CCDC30: variants seen among roughly 807,000 people sequenced by gnomAD.
CCDC30 encodes the protein coiled-coil domain containing 30, also known as coiled-coil domain-containing protein 30.
A neutral mutation model predicts 100.2 loss-of-function variants in CCDC30; 70 were observed. The ratio of observed to expected loss-of-function variants is 0.70; its 90% CI spans 0.58 to 0.85. The LOEUF (loss-of-function observed/expected upper bound fraction) is 0.85, where lower values mean the gene tolerates loss of function less well. Among genes scored for constraint, CCDC30 ranks in the 40% least tolerant of loss-of-function variants. The probability of loss-of-function intolerance (pLI) is 0.00; values close to 1 mark genes in which losing one functional copy is unlikely to be tolerated. For synonymous variants in CCDC30, 233 were observed against 269.5 expected (o/e 0.86, Z 1.33); for missense variants, 652 against 771.2 (o/e 0.85, Z 1.83).
chr1:42,458,595 A>G (rs1281945904), upstream of CCDC30, among the ~76,000 whole-genome samples: 1 of 152,236 alleles, frequency 6.6e-6, no homozygotes, highest in East Asian at 1.9e-4. Context: ...GATAAATGCT[A>G]AGGAGAAAAA....
chr1:42,501,129 A>T (rs1166333094), intron 6 of CCDC30, among the ~76,000 whole-genome samples: 2 of 152,182 alleles, frequency 1.3e-5, no homozygotes, highest in Non-Finnish European at 1.5e-5. Flanking sequence ...TATGTTTCTT[A>T]TACTTTCTTC....
chr1:42,493,987 G>A (rs1173492674), intron 4 of CCDC30, among the ~76,000 whole-genome samples: 2 of 152,256 alleles, frequency 1.3e-5, no homozygotes, highest in African/African-American at 2.4e-5. Flanking sequence ...GCCAAGGGGG[G>A]TGAATCACTT....
chr1:42,497,067 G>T (rs780023808), intron 4 of CCDC30, 31 bp from the exon 5 acceptor site: 10 of 1,159,256 alleles, frequency 8.6e-6, no homozygotes, highest in Non-Finnish European at 1.1e-5. Flanking sequence ...CTTTGATCCA[G>T]TTGAGTAAAC....
intron 6 of CCDC30, chr1:42,535,007 A>C (rs1287863979): frequency 2.6e-5 from 4 of 152,170 alleles, no homozygotes. Context: ...AAAAGGGATA[A>C]TTTTCAGTTA....
the CCDC30 span, among the ~76,000 whole-genome samples, chr1:42,458,028 G>T: frequency 1.0e-3 from 159 of 152,082 alleles, no homozygotes; most frequent in Non-Finnish European, 1.2e-3. Flanking sequence ...GGTCATTCCA[G>T]GTGGAGTATG....
At chr1:42,646,890 G>T (rs533436047) in intron 15 of CCDC30, among the ~76,000 whole-genome samples, 1 of 152,158 alleles carries the variant, frequency 6.6e-6, no homozygotes, top group African/African-American at 2.4e-5. Flanking sequence ...CTGAGGTCAG[G>T]AGTTCGAGAC....
downstream of CCDC30, among the ~76,000 whole-genome samples, chr1:42,655,307 C>A (rs948488277): frequency 6.6e-6 from 1 of 151,886 alleles, no homozygotes; most frequent in Non-Finnish European, 1.5e-5. Flanking sequence ...TTTGGGAGGC[C>A]GAGGTGGGCA....
At chr1:42,648,456 G>A (rs562976894) in intron 15 of CCDC30, among the ~76,000 whole-genome samples, 1 of 152,188 alleles carries the variant, frequency 6.6e-6, no homozygotes, top group East Asian at 1.9e-4. Flanking sequence ...GGATCACAAG[G>A]TCAGGAGATT....
intron 1 of CCDC30, among the ~76,000 whole-genome samples, chr1:42,476,894 T>G (rs199904704): frequency 1.8e-5 from 2 of 114,262 alleles, no homozygotes; most frequent in Non-Finnish European, 4.2e-5. Flanking sequence ...TTTTTTTTTT[T>G]GTTTTTTTTT....
Position 42,621,757 on chromosome 1 carries a change from C to T in CCDC30, c.1277+10667C>T, listed in dbSNP as rs929270500. 2.6e-5 allele frequency among the ~76,000 whole-genome samples: 4 copies of T among 151,938 alleles called. No homozygotes were observed. The South Asian group carries it at 6.2e-4, about 24-fold the overall frequency. ...CGATCTCCTGACCTTGTGATCCGCC[C>T]GCCTCGGCCTCCCAAAGTGCCGGGA... On this transcript the variant is annotated intron_variant, in intron 11 of 16. Transcript: ENST00000668663.
chr1:42,553,024 G>A (rs1645286572), intron 6 of CCDC30, among the ~76,000 whole-genome samples: 2 of 152,158 alleles, frequency 1.3e-5, no homozygotes, highest in Non-Finnish European at 2.9e-5. Context: ...GCCTGGTGAG[G>A]GTGGAAATCT....
the CCDC30 span, chr1:42,456,445 T>C: frequency 3.8e-6 from 4 of 1,050,138 alleles, no homozygotes; most frequent in Admixed American, 3.3e-5. Flanking sequence ...CGGGACCTAG[T>C]GTCAAAAGAA....
intron 6 of CCDC30, among the ~76,000 whole-genome samples, chr1:42,543,831 G>T (rs1018852807): frequency 1.3e-5 from 2 of 152,140 alleles, no homozygotes; most frequent in Admixed American, 6.5e-5. Context: ...ACACACTGTA[G>T]TTTCTCTTCA....
intron 12 of CCDC30, among the ~76,000 whole-genome samples, chr1:42,640,927 C>T (rs1045678730): frequency 2.6e-5 from 4 of 151,634 alleles, no homozygotes; most frequent in Non-Finnish European, 5.9e-5. Flanking sequence ...GATGGCCAGT[C>T]TTTTCTGAAT....
intron 7 of CCDC30, among the ~76,000 whole-genome samples, chr1:42,574,304 GTTC>G (rs988084433): frequency 5.9e-5 from 9 of 151,600 alleles, no homozygotes; most frequent in South Asian, 2.1e-4. Context: ...GAGAAGTCAA[GTTC>G]TTCTTTTTTT....
At chr1:42,625,800 T>C (rs189743194) in intron 11 of CCDC30, among the ~76,000 whole-genome samples, 2 of 152,304 alleles carry the variant, frequency 1.3e-5, no homozygotes, top group Non-Finnish European at 1.5e-5. Flanking sequence ...ATGATACATA[T>C]ACTGAGGAGA....
intron 6 of CCDC30, chr1:42,537,247 A>G (rs1411868869): frequency 4.4e-6 from 2 of 456,264 alleles, no homozygotes; most frequent in Admixed American, 2.3e-5. Flanking sequence ...GGAAAGATCT[A>G]TCAGGAGACA....
At chr1:42,477,474 C>A (rs1442742467) in intron 1 of CCDC30, among the ~76,000 whole-genome samples, 2 of 152,004 alleles carry the variant, frequency 1.3e-5, no homozygotes, top group Admixed American at 1.3e-4. Context: ...GTGATCCACT[C>A]GCCTCAGCCT....
intron 1 of CCDC30, chr1:42,467,812 T>C (rs904804829): frequency 2.0e-5 from 3 of 152,216 alleles, no homozygotes; most frequent in Non-Finnish European, 2.9e-5. Flanking sequence ...CACAGCCTAT[T>C]TGGTGAGCAA....
Sources: allele counts gnomAD v4.1 joint callset (sites outside exome capture counted in the v4.1 genomes callset), GRCh38; gene constraint gnomAD v4.1.1; transcripts MANE v1.5; gene names NCBI Gene and HGNC (gene_info 2026-07-23, HGNC 2026-07-21).